Variants in ST6GALNAC5 observed in about 807,000 individuals in gnomAD.
ST6GALNAC5 encodes the protein alpha-N-acetylgalactosaminide alpha-2,6-sialyltransferase 5.
A neutral mutation model predicts 33.6 loss-of-function variants in ST6GALNAC5; 27 were observed. The ratio of observed to expected loss-of-function variants is 0.80; its 90% confidence interval spans 0.59 to 1.11. The LOEUF is 1.11. ST6GALNAC5 is among the 50% of genes least tolerant of loss of function. The pLI is 0.00. For synonymous variants in ST6GALNAC5, 194 were observed against 171.2 expected, an observed-to-expected ratio of 1.13 and a Z score of -1.04; for missense variants, 428 against 454.0, an observed-to-expected ratio of 0.94 and a Z score of 0.52.
chr1:76,967,559 A>T (rs1255843023), intron 2 of ST6GALNAC5, among the ~76,000 whole-genome samples: 1 of 152,122 alleles, frequency 6.6e-6, no homozygotes, highest in Non-Finnish European at 1.5e-5. Flanking sequence ...AATTTTTTGA[A>T]GGGTTTTTTG....
chr1:76,985,329 A>G (rs576310602), intron 2 of ST6GALNAC5, among the ~76,000 whole-genome samples: 24 of 152,314 alleles, frequency 1.6e-4, no homozygotes, highest in Non-Finnish European at 2.5e-4. Flanking sequence ...CAGGATACAA[A>G]ATCAAGTGCA....
intron 2 of ST6GALNAC5, among the ~76,000 whole-genome samples, chr1:76,919,338 G>T (rs978472947): frequency 3.3e-5 from 5 of 152,098 alleles, no homozygotes; most frequent in African/African-American, 1.2e-4. Context: ...CAGCTTGTAG[G>T]TTTTCAATGC....
intron 2 of ST6GALNAC5, among the ~76,000 whole-genome samples, chr1:77,031,446 G>A (rs1183436657): frequency 6.6e-6 from 1 of 152,166 alleles, no homozygotes; most frequent in East Asian, 1.9e-4. Context: ...CATCAACACT[G>A]CCACAATCTG....
chr1:76,957,885 G>T (rs1326612770), intron 2 of ST6GALNAC5, among the ~76,000 whole-genome samples: 2 of 151,790 alleles, frequency 1.3e-5, no homozygotes, highest in African/African-American at 2.4e-5. Context: ...ATCAAACATT[G>T]CACTTATTTA....
chr1:77,041,801 C>T (rs1651839327), intron 2 of ST6GALNAC5, among the ~76,000 whole-genome samples: 1 of 152,156 alleles, frequency 6.6e-6, no homozygotes, highest in African/African-American at 2.4e-5. Flanking sequence ...AATGATCCTC[C>T]AAGGAATGGA....
intron 2 of ST6GALNAC5, among the ~76,000 whole-genome samples, chr1:76,995,210 C>A (rs887110992): frequency 8.5e-5 from 13 of 152,128 alleles, no homozygotes; most frequent in African/African-American, 2.9e-4. Context: ...CCAGCTTGGG[C>A]AACATAGCAA....
intron 2 of ST6GALNAC5, among the ~76,000 whole-genome samples, chr1:76,947,646 T>C (rs1647573539): frequency 6.6e-6 from 1 of 151,982 alleles, no homozygotes; most frequent in Non-Finnish European, 1.5e-5. Context: ...CTGAGGACAC[T>C]GAGTGGGGAG....
chr1:76,948,648 C>T (rs1647624026), intron 2 of ST6GALNAC5, among the ~76,000 whole-genome samples: 1 of 136,250 alleles, frequency 7.3e-6, no homozygotes, highest in Admixed American at 7.6e-5. Flanking sequence ...AAGAATTTAC[C>T]CTTATATTTG....
At chr1:76,882,578 T>A (rs1008780474) in intron 2 of ST6GALNAC5, among the ~76,000 whole-genome samples, 1 of 152,210 alleles carries the variant, frequency 6.6e-6, no homozygotes, top group Non-Finnish European at 1.5e-5. Flanking sequence ...TCACTCTTAA[T>A]GGCTAAGGAG....
At chr1:76,998,372 G>A (rs1231700209) in intron 2 of ST6GALNAC5, among the ~76,000 whole-genome samples, 1 of 151,936 alleles carries the variant, frequency 6.6e-6, no homozygotes, top group Non-Finnish European at 1.5e-5. Context: ...CTGTAGCCTG[G>A]GTGACAGGGT....
At chr1:76,951,873 TC>T (rs747625422) in intron 2 of ST6GALNAC5, among the ~76,000 whole-genome samples, 1 of 152,094 alleles carries the variant, frequency 6.6e-6, no homozygotes, top group African/African-American at 2.4e-5. Flanking sequence ...ATGAATATAG[TC>T]CCAAAATAAT....
At position 76,923,150 on chromosome 1, in the gene ST6GALNAC5, T is replaced by C. The variant is rs76093358; in HGVS notation, c.261+54408T>C. Among the ~76,000 whole-genome samples, 4 of 152,194 alleles carry C rather than the reference T, an allele frequency of 2.6e-5. No homozygotes were observed. The East Asian group carries it at 7.7e-4, about 29-fold the overall frequency. On this transcript the variant is annotated intron_variant, in intron 2 of 4. Coordinates refer to ENST00000477717, the MANE Select transcript of ST6GALNAC5 (RefSeq NM_030965.3). ...CTGGTTATGATATTGCAGTATACTT[T>C]TGCAAGATGTTACAATTGGGGAATA...
chr1:77,023,418 C>T (rs1651123426), intron 2 of ST6GALNAC5, among the ~76,000 whole-genome samples: 1 of 152,192 alleles, frequency 6.6e-6, no homozygotes, highest in Admixed American at 6.5e-5. Context: ...TTCAGGGCCA[C>T]CGGCACCAGG....
chr1:77,007,249 C>G (rs1447289915), intron 2 of ST6GALNAC5, among the ~76,000 whole-genome samples: 1 of 152,184 alleles, frequency 6.6e-6, no homozygotes, highest in Admixed American at 6.5e-5. Context: ...TGAAAACTTT[C>G]TCCTGCCGTA....
At chr1:76,919,966 G>T (rs953534622) in intron 2 of ST6GALNAC5, among the ~76,000 whole-genome samples, 3 of 152,082 alleles carry the variant, frequency 2.0e-5, no homozygotes, top group Non-Finnish European at 4.4e-5. Flanking sequence ...TATAAATACG[G>T]CATTAAAAAA....
At chr1:77,027,087 T>C (rs1487422743) in intron 2 of ST6GALNAC5, among the ~76,000 whole-genome samples, 1 of 152,208 alleles carries the variant, frequency 6.6e-6, no homozygotes. Context: ...CGAAAGTTAA[T>C]GACAGAAGCA....
chr1:76,901,326 G>A (rs548442443), intron 2 of ST6GALNAC5, among the ~76,000 whole-genome samples: 140 of 152,274 alleles, frequency 9.2e-4, no homozygotes, highest in African/African-American at 3.3e-3. Context: ...CAATTGCAAA[G>A]GGAGCATGGT....
chr1:76,967,459 A>C (rs1648544251), intron 2 of ST6GALNAC5, among the ~76,000 whole-genome samples: 1 of 152,032 alleles, frequency 6.6e-6, no homozygotes, highest in Non-Finnish European at 1.5e-5. Context: ...TATTGCATCT[A>C]TTTGATTCTT....
chr1:77,047,703 T>C (rs1180494344), intron 3 of ST6GALNAC5, among the ~76,000 whole-genome samples: 2 of 152,200 alleles, frequency 1.3e-5, no homozygotes, highest in African/African-American at 4.8e-5. Flanking sequence ...ACCAATATTA[T>C]AGTAATTAGA....
Sources: allele counts gnomAD v4.1 joint callset (sites outside exome capture counted in the v4.1 genomes callset), GRCh38; gene constraint gnomAD v4.1.1; transcripts MANE v1.5; gene names NCBI Gene and HGNC (gene_info 2026-07-23, HGNC 2026-07-21).